The following TDRKH variants were observed in gnomAD, a reference collection of about 807,000 sequenced individuals.
The protein encoded by TDRKH is tudor and KH domain-containing protein.
TDRKH carries 28 observed loss-of-function variants against 61.3 expected under a neutral mutation model. That is an observed-to-expected ratio of 0.46 (90% CI 0.34 to 0.63). The LOEUF (loss-of-function observed/expected upper bound fraction) is 0.63. Ranked by LOEUF, TDRKH falls within the 20% of genes least tolerant of loss-of-function variation. The pLI, the probability that TDRKH is intolerant of heterozygous loss-of-function variation, is 0.01. For missense variants in TDRKH, 540 were observed against 683.4 expected (o/e 0.79, Z 2.34); for synonymous variants, 219 against 244.4 (o/e 0.90, Z 0.97).
chr1:151,775,919 G>A, intron 8 of TDRKH, 35 bp from the exon 9 acceptor site: 1 of 1,604,774 alleles, frequency 6.2e-7, no homozygotes, highest in Admixed American at 1.7e-5. Flanking sequence ...GAATCCTGGG[G>A]CCAAAAACAT....
intron 2 of TDRKH, 128 bp from the exon 3 acceptor site, chr1:151,781,715 T>C: frequency 1.3e-6 from 1 of 756,272 alleles, no homozygotes; most frequent in Non-Finnish European, 2.1e-6. Flanking sequence ...ATCTCAACCA[T>C]AACAACAAGG....
chr1:151,780,093 T>C lies in TDRKH; in HGVS notation c.279A>G (p.Val93=). 1 of 1,614,158 alleles carries C rather than the reference T, an allele frequency of 6.2e-7. No homozygotes were observed. The highest frequency in any genetic ancestry group is 1.1e-5 in the South Asian group (1 of 91,072). The change falls in exon 4 of 13, where the codon GTA becomes GTG. Residue 93 remains valine, a synonymous_variant. Transcript: ENST00000368824. ...TGATAAGCAGCACTCGCTCATCGCC[T>C]ACATCCTCTGTGTCCACATCAATCC... ...GARIDVDTED[V]GDERVLLISG...
At chr1:151,775,569 G>A in intron 9 of TDRKH, 26 bp from the exon 10 acceptor site, 1 of 1,606,992 alleles carries the variant, frequency 6.2e-7, no homozygotes, top group South Asian at 1.1e-5. Flanking sequence ...AGGGGTTACT[G>A]CTGATAGGGG....
In TDRKH at chr1:151,774,737, G is replaced by A. The variant is rs780085270; in HGVS notation, c.1606C>T (p.His536Tyr). The change falls in exon 12 of 13, where the codon CAT becomes TAT. Residue 536 changes from histidine to tyrosine, a missense_variant. Physicochemically the swap from His to Tyr is moderately conservative, Grantham distance 83. Around this residue, in one of 3 missense-constraint regions of TDRKH, gnomAD observed 379 missense variants for 443.8 expected, o/e 0.85. Transcript: ENST00000368824. ...ETKKSSGEIT[H>Y]TLSCLSLSEA... ...GATAAGCTGAGGCAGGACAGGGTAT[G>A]TGTTATCTCTCCAGAGCTCTTTTTG... The A allele has an allele frequency of 3.7e-6, 6 of 1,614,080 alleles. No homozygotes were observed. The highest frequency in any genetic ancestry group is 5.1e-6 in the Non-Finnish European group (6 of 1,180,026).
At chr1:151,777,770 T>G (rs1571990445) in intron 6 of TDRKH, among the ~76,000 whole-genome samples, 1 of 144,986 alleles carries the variant, frequency 6.9e-6, no homozygotes, top group Non-Finnish European at 1.5e-5. Flanking sequence ...CAGGCTGGAG[T>G]GCAACGGTGC....
Position 151,781,328 on chromosome 1 carries a change from A to AAAAAATATATATATAT in TDRKH, c.231+152_231+153insATATATATATATTTTT, listed in dbSNP as rs1491536697. On this transcript the variant is annotated intron_variant, in intron 3 of 12. Transcript: ENST00000368824. ...GCGAAACTCCATCTCAAAAAAAAAAAATATATATATATATATTTTATATAT... is the reference window on the plus strand; with the variant it reads ...GCGAAACTCCATCTCAAAAAAAAAAAAAAAATATATATATATATATATATATATATATTTTATATAT... Among the ~76,000 whole-genome samples the AAAAAATATATATATAT allele has an allele frequency of 2.0e-3, 138 of 68,544 alleles. 2 individuals are homozygous for AAAAAATATATATATAT. Among genetic ancestry groups the AAAAAATATATATATAT allele is most frequent in the Middle Eastern group, 9.3e-3 (1 of 108 alleles). 45.0% of individuals were successfully genotyped at this position (68,544 alleles called of 152,430 possible). A position where few individuals can be genotyped will look rare whatever the true frequency, so the allele number is the denominator to read the frequency against.
chr1:151,788,587 G>A (rs1368695230), intron 1 of TDRKH, among the ~76,000 whole-genome samples: 1 of 152,202 alleles, frequency 6.6e-6, no homozygotes, highest in Non-Finnish European at 1.5e-5. Context: ...GAACTTATTT[G>A]ATTCCATTAA....
At chr1:151,767,396 G>C, downstream of TDRKH, 1 of 1,526,750 alleles carries the variant, frequency 6.5e-7, no homozygotes, top group South Asian at 1.3e-5. Context: ...GAATTACAGA[G>C]GTAGATGGAA....
intron 3 of TDRKH, among the ~76,000 whole-genome samples, chr1:151,780,353 A>G (rs545718962): frequency 6.7e-6 from 1 of 149,664 alleles, no homozygotes; most frequent in Admixed American, 6.7e-5. Context: ...ATTAGTAACA[A>G]ATGTAACCCC....
Position 151,779,821 on chromosome 1 carries a change from G to A in TDRKH, c.421+130C>T, listed in dbSNP as rs116214248. 3,233 of 910,360 alleles carry A rather than the reference G, an allele frequency of 3.6e-3. 56 individuals carry two copies. The African/African-American group carries it at 0.047, about 13-fold the overall frequency. The allele number at this position is 910,360 out of a possible 1,614,324, so 56.4% of individuals were successfully genotyped here. Reference sequence around the variant, plus strand: ...CCAGTTCTACAAACAGTAAACCTCTGGTCTCAATGTCCCTTTTTTTCCCCT... The same window carrying A: ...CCAGTTCTACAAACAGTAAACCTCTAGTCTCAATGTCCCTTTTTTTCCCCT... On this transcript the variant is annotated intron_variant, in intron 4 of 12. Coordinates refer to ENST00000368824, the MANE Select transcript of TDRKH (RefSeq NM_001083965.2).
At position 151,775,395 on chromosome 1, in the gene TDRKH, C is replaced by T; in HGVS notation, c.1431G>A (p.Gly477=). The change falls in exon 10 of 13, where the codon GGG becomes GGA. Residue 477 remains glycine, a synonymous_variant. Transcript: ENST00000368824. ...PKIYLYDTSN[G]KKLDIGLELV... is the part of the protein sequence containing the mutation. ...AGTGAGTGAATGCCAGTCTTACCTT[C>T]CCATTGCTAGTATCATATAAGTAGA... The T allele has an allele frequency of 6.2e-7, 1 of 1,610,366 alleles. No homozygotes were observed. The highest frequency in any genetic ancestry group is 1.1e-5 in the South Asian group (1 of 90,192).
At chr1:151,774,584 ATG>A (rs1463012836) in intron 12 of TDRKH, 80 bp from the exon 13 acceptor site, 6 of 1,589,042 alleles carry the variant, frequency 3.8e-6, no homozygotes, top group Non-Finnish European at 5.2e-6. Context: ...CAAAAGAAAA[ATG>A]GACCTCTTGG....
downstream of TDRKH, chr1:151,767,010 T>C: frequency 2.9e-6 from 4 of 1,379,452 alleles, no homozygotes; most frequent in Admixed American, 8.4e-5. Flanking sequence ...AAAGCTGGCA[T>C]GGAACTTTAG....
At chr1:151,766,686 C>T (rs1163699509), downstream of TDRKH, 4 of 1,551,194 alleles carry the variant, frequency 2.6e-6, no homozygotes, top group Non-Finnish European at 3.5e-6. Flanking sequence ...CACCTGTGAA[C>T]TTCACTTTGC....
chr1:151,767,463 G>A (rs902448343), downstream of TDRKH: 2 of 1,372,776 alleles, frequency 1.5e-6, no homozygotes, highest in Middle Eastern at 2.5e-4. Context: ...CTGGCCCACA[G>A]ACTGTAAAAT....
In TDRKH at chr1:151,777,316, T is replaced by C. The variant is rs1292314862; in HGVS notation, c.884-717A>G. 2.6e-5 allele frequency among the ~76,000 whole-genome samples: 4 copies of C among 152,064 alleles called. No homozygotes were observed. In the East Asian group the frequency reaches 7.7e-4, roughly 29 times the overall value. ...CAAAAATCAGTCGGATGTGGTGGTGTGCACCTGTGGTCTCATCTACTCGGG... is the reference window on the plus strand; with the variant it reads ...CAAAAATCAGTCGGATGTGGTGGTGCGCACCTGTGGTCTCATCTACTCGGG... On this transcript the variant is annotated intron_variant, in intron 6 of 12. Transcript: ENST00000368824.
chr1:151,781,329 AT>A (rs11355113), intron 3 of TDRKH, 151 bp downstream of exon 3: 87,460 of 134,234 alleles, frequency 0.65, 28,898 homozygotes, highest in East Asian at 0.85. Context: ...AAAAAAAAAA[AT>A]ATATATATAT....
Position 151,781,563 on chromosome 1 carries a change from T to A in TDRKH, c.149A>T (p.Glu50Val). ...CCGCATCTCTATCTCAATGTCATCT[T>A]CCCCAACAAATGTCAGCCGCTCTTC... is the stretch of plus-strand genomic sequence containing the variant. ...SREERLTFVG[E>V]DDIEIEMRVP... Residue 50 changes from glutamate (E) to valine (V), a missense_variant, in exon 3 of 13, where the codon GAA becomes GTA. Physicochemically the swap from Glu to Val is moderately radical, Grantham distance 121. This residue lies in a region of TDRKH where 156 missense variants were observed against 218.0 expected (regional missense o/e 0.72). Transcript: ENST00000368824. 1.2e-6 allele frequency: 2 copies of A among 1,613,470 alleles called. No individual in the cohort carries two copies. Among genetic ancestry groups the A allele is most frequent in the Non-Finnish European group, 1.7e-6 (2 of 1,179,778 alleles).
downstream of TDRKH, chr1:151,767,841 A>T: frequency 1.7e-6 from 1 of 603,168 alleles, no homozygotes; most frequent in Non-Finnish European, 2.8e-6. Context: ...ACAGGCAGTA[A>T]TACTGCCTCA....
Sources: gnomAD v4.1 joint callset for allele counts (sites outside exome capture counted in the v4.1 genomes callset) on GRCh38, gnomAD v4.1.1 for gene constraint, gnomAD v4.1.1 regional missense constraint, MANE v1.5 for transcripts, NCBI Gene and HGNC (gene_info 2026-07-23, HGNC 2026-07-21) for gene names.